FKBP11: variants seen among roughly 807,000 people sequenced by gnomAD.
FKBP11 encodes peptidyl-prolyl cis-trans isomerase FKBP11.
In FKBP11, 21 loss-of-function variants were observed where a neutral mutation model predicts 24.7. The observed-to-expected ratio is 0.85, with a 90% CI of 0.60 to 1.23. The LOEUF (loss-of-function observed/expected upper bound fraction) is 1.23. Among genes scored for constraint, FKBP11 ranks in the 50% most tolerant of loss-of-function variants. FKBP11 has a pLI of 0.00. For missense variants in FKBP11, 245 were observed against 248.7 expected, an observed-to-expected ratio of 0.99 and a Z score of 0.10; for synonymous variants, 106 against 100.6, an observed-to-expected ratio of 1.05 and a Z score of -0.32.
At chr12:48,934,751 C>T in the FKBP11 span, among the ~76,000 whole-genome samples, 23 of 152,148 alleles carry the variant, frequency 1.5e-4, no homozygotes, top group South Asian at 1.2e-3. Context: ...TGGTGGCTCA[C>T]GCCTGTAATC....
upstream of FKBP11, among the ~76,000 whole-genome samples, chr12:48,928,818 C>CTTTTTTTTTTTT (rs1196484675): frequency 2.1e-4 from 20 of 94,234 alleles, no homozygotes; most frequent in African/African-American, 7.8e-4. Context: ...AAACTTCTAT[C>CTTTTTTTTTTTT]TTTTTTTTTT....
the FKBP11 span, chr12:48,936,775 A>G: frequency 6.6e-6 from 1 of 152,252 alleles, no homozygotes; most frequent in Non-Finnish European, 1.5e-5. Context: ...ACAAAGATAG[A>G]GTGGAAAATC....
At chr12:48,938,337 C>T in the FKBP11 span, 1 of 453,782 alleles carries the variant, frequency 2.2e-6, no homozygotes, top group East Asian at 7.0e-5. Flanking sequence ...CCACCTTCTT[C>T]CCTTAATCTC....
At chr12:48,932,231 A>ATT in the FKBP11 span, among the ~76,000 whole-genome samples, 2,074 of 30,460 alleles carry the variant, frequency 0.068, 73 homozygotes, top group Non-Finnish European at 0.081. Context: ...ATATATTTAT[A>ATT]TATATATATA....
At chr12:48,935,443 T>C in the FKBP11 span, among the ~76,000 whole-genome samples, 1 of 152,038 alleles carries the variant, frequency 6.6e-6, no homozygotes, top group Admixed American at 6.6e-5. Flanking sequence ...AATATTAAGA[T>C]TGGGGAAGGC....
chr12:48,934,631 C>T, the FKBP11 span, among the ~76,000 whole-genome samples: 8 of 152,252 alleles, frequency 5.3e-5, no homozygotes, highest in African/African-American at 1.9e-4. Flanking sequence ...GTCCAAAGAC[C>T]CCCCAGTGGC....
upstream of FKBP11, among the ~76,000 whole-genome samples, chr12:48,928,324 C>T (rs1422292805): frequency 6.6e-6 from 1 of 151,168 alleles, no homozygotes; most frequent in African/African-American, 2.4e-5. Context: ...GGATTACAGG[C>T]ATCAGTCACC....
chr12:48,924,543 G>T lies in FKBP11; in HGVS notation c.283+18C>A. Reference sequence around the variant, plus strand: ...CTTAGGTTGGGAAGAGGTGGAATGGGAGGCACAGGTCACATACCTGGAATC... The same window carrying T: ...CTTAGGTTGGGAAGAGGTGGAATGGTAGGCACAGGTCACATACCTGGAATC... On this transcript the variant is annotated intron_variant, in intron 3 of 5. Transcript: ENST00000550765. The T allele has an allele frequency of 4.4e-6, 7 of 1,607,134 alleles. No individual in the cohort carries two copies. Among genetic ancestry groups the T allele is most frequent in the Non-Finnish European group, 6.0e-6 (7 of 1,173,624 alleles).
At chr12:48,931,692 C>A in the FKBP11 span, 1 of 534,750 alleles carries the variant, frequency 1.9e-6, no homozygotes, top group Non-Finnish European at 3.3e-6. Flanking sequence ...TGATTAAAGA[C>A]AATGGTGTTT....
At chr12:48,932,441 C>A in the FKBP11 span, among the ~76,000 whole-genome samples, 3 of 149,692 alleles carry the variant, frequency 2.0e-5, no homozygotes. Context: ...GGTATACATA[C>A]CCCCAGCTGA....
the FKBP11 span, chr12:48,935,903 G>A: frequency 6.6e-6 from 1 of 152,328 alleles, no homozygotes; most frequent in East Asian, 1.9e-4. Context: ...ACCAACAGGT[G>A]AGAAATACAG....
the FKBP11 span, among the ~76,000 whole-genome samples, chr12:48,935,046 GAAGA>G: frequency 1.0e-4 from 15 of 144,134 alleles, no homozygotes; most frequent in Non-Finnish European, 2.1e-4. Flanking sequence ...AAAAGAAGAA[GAAGA>G]AAGAAAACAC....
At chr12:48,924,889 G>A (rs1263816633) in intron 2 of FKBP11, 157 bp downstream of exon 2, 4 of 1,444,066 alleles carry the variant, frequency 2.8e-6, no homozygotes, top group Non-Finnish European at 3.6e-6. Flanking sequence ...AAGAGGCACG[G>A]AAGAGCAACG....
At chr12:48,929,890 T>G (rs1457499420), upstream of FKBP11, among the ~76,000 whole-genome samples, 1 of 152,206 alleles carries the variant, frequency 6.6e-6, no homozygotes, top group Non-Finnish European at 1.5e-5. Context: ...CAGGCTAAGC[T>G]CAAATATCAT....
At chr12:48,935,232 A>G in the FKBP11 span, among the ~76,000 whole-genome samples, 1 of 152,112 alleles carries the variant, frequency 6.6e-6, no homozygotes, top group African/African-American at 2.4e-5. Flanking sequence ...GGGTGGAAGC[A>G]CTGGTCCTTG....
In FKBP11 at chr12:48,922,200, C is replaced by G; in HGVS notation, c.390G>C (p.Ala130=). The G allele has an allele frequency of 6.2e-7, 1 of 1,610,212 alleles. No homozygotes were observed. Among genetic ancestry groups the G allele is most frequent in the Non-Finnish European group, 8.5e-7 (1 of 1,177,116 alleles). Residue 130 remains alanine (A), a splice_region_variant and synonymous_variant, in exon 6 of 6, where the codon GCG becomes GCC. Transcript: ENST00000550765. The stretch of plus-strand genomic sequence containing the variant: ...CCACGTCATACTGCACCACTGCATC[C>G]GCTGGAGAGGCAGAGGGGTGGAGAG... ...GKRGFPPSVP[A]DAVVQYDVEL...
chr12:48,931,268 A>T, upstream of FKBP11: 1 of 644,346 alleles, frequency 1.6e-6, no homozygotes, highest in Non-Finnish European at 2.7e-6. Context: ...AGCAGACTCG[A>T]ACAGTGTGGT....
chr12:48,922,314 G>T, intron 5 of FKBP11, 113 bp from the exon 6 acceptor site: 1 of 973,922 alleles, frequency 1.0e-6, no homozygotes, highest in Non-Finnish European at 1.5e-6. Flanking sequence ...CTATGAAGCT[G>T]ACAAGATTTA....
At chr12:48,923,149 A>AG in intron 5 of FKBP11, 1 of 521,944 alleles carries the variant, frequency 1.9e-6, no homozygotes, top group East Asian at 1.3e-4. Context: ...ACTCCATCTC[A>AG]AAAAAAAAAA....
Sources: allele counts gnomAD v4.1 joint callset (sites outside exome capture counted in the v4.1 genomes callset), GRCh38; gene constraint gnomAD v4.1.1; transcripts MANE v1.5; gene names NCBI Gene and HGNC (gene_info 2026-07-23, HGNC 2026-07-21).